The following EEFSEC variants were observed in gnomAD, a reference collection of about 807,000 sequenced individuals.
EEFSEC encodes the protein selenocysteine-specific elongation factor.
A neutral mutation model predicts 42.1 loss-of-function variants in EEFSEC; 43 were observed. The observed-to-expected ratio is 1.02, with a 90% CI of 0.80 to 1.32. The LOEUF is 1.32. Ranked by LOEUF, EEFSEC falls within the 40% of genes most tolerant of loss-of-function variation. EEFSEC has a pLI of 0.00. For missense variants in EEFSEC, 745 were observed against 803.6 expected (o/e 0.93, Z 0.88); for synonymous variants, 354 against 339.1 (o/e 1.04, Z -0.48).
intron 1 of EEFSEC, among the ~76,000 whole-genome samples, chr3:128,210,003 G>A (rs2065739742): frequency 1.3e-5 from 2 of 152,216 alleles, no homozygotes; most frequent in South Asian, 4.1e-4. Flanking sequence ...GTAAACAGGA[G>A]CACCTTTCTT....
At chr3:128,171,009 C>T (rs903925533) in intron 1 of EEFSEC, among the ~76,000 whole-genome samples, 1 of 152,194 alleles carries the variant, frequency 6.6e-6, no homozygotes, top group African/African-American at 2.4e-5. Flanking sequence ...GTGTCCTCCT[C>T]TTCCTGACAC....
chr3:128,316,082 C>A lies in EEFSEC; in HGVS notation c.787-25151C>A, dbSNP rs116020917. ...AAAAGACCAAGTCCTTTTGATCACC[C>A]TTCTAATTCTAGTCTGTGGCGCAGA... On this transcript the variant is annotated intron_variant, in intron 4 of 6. Coordinates refer to ENST00000254730, the MANE Select transcript of EEFSEC (RefSeq NM_021937.5). Among the ~76,000 whole-genome samples the A allele has an allele frequency of 3.4e-3, 512 of 152,306 alleles. 1 individual carries two copies. The highest frequency in any genetic ancestry group is 0.011 in the African/African-American group (477 of 41,568).
chr3:128,348,735 G>A (rs921152786), intron 5 of EEFSEC, among the ~76,000 whole-genome samples: 7 of 152,176 alleles, frequency 4.6e-5, no homozygotes, highest in African/African-American at 1.7e-4. Context: ...CAAAGATCTG[G>A]CAAAAATGAT....
chr3:128,377,821 TA>T (rs762099428), intron 6 of EEFSEC, among the ~76,000 whole-genome samples: 49 of 152,264 alleles, frequency 3.2e-4, no homozygotes, highest in South Asian at 6.2e-4. Flanking sequence ...TGCCATTTTA[TA>T]CTTCCATCAG....
At chr3:128,279,167 G>A (rs777190507) in intron 4 of EEFSEC, among the ~76,000 whole-genome samples, 7 of 152,230 alleles carry the variant, frequency 4.6e-5, no homozygotes, top group Non-Finnish European at 1.0e-4. Flanking sequence ...GGCAGTGGCG[G>A]CCATCTCCCG....
intron 6 of EEFSEC, among the ~76,000 whole-genome samples, chr3:128,373,702 C>T (rs1032143181): frequency 1.3e-5 from 2 of 152,202 alleles, no homozygotes; most frequent in Non-Finnish European, 2.9e-5. Flanking sequence ...GTGCCTATAC[C>T]AAGCCCTTCC....
chr3:128,230,847 G>T (rs936682816), intron 1 of EEFSEC, among the ~76,000 whole-genome samples: 5 of 152,120 alleles, frequency 3.3e-5, no homozygotes, highest in Non-Finnish European at 7.4e-5. Flanking sequence ...GCATCAGTAG[G>T]CATGCCCTGA....
At chr3:128,399,590 G>GC (rs141314224) in intron 6 of EEFSEC, among the ~76,000 whole-genome samples, 41 of 151,554 alleles carry the variant, frequency 2.7e-4, no homozygotes, top group East Asian at 5.8e-4. Context: ...CAAGGAGCCG[G>GC]CCCCCCCCAG....
At chr3:128,164,576 G>A (rs116060377) in intron 1 of EEFSEC, among the ~76,000 whole-genome samples, 2,310 of 152,280 alleles carry the variant, frequency 0.015, 56 homozygotes, top group African/African-American at 0.051. Context: ...AAGGAGGTGC[G>A]GCCAGGTTGG....
Position 128,366,848 on chromosome 3 carries a change from C to T in EEFSEC, c.1600+8475C>T, listed in dbSNP as rs199894494. ...CACAGTGAGCCACAGCCCACATGAC[C>T]CCTGAGCTCATGGGGCTGTTGGGTT... On this transcript the variant is annotated intron_variant, in intron 6 of 6. Coordinates refer to ENST00000254730, the MANE Select transcript of EEFSEC (RefSeq NM_021937.5). Among the ~76,000 whole-genome samples the T allele has an allele frequency of 3.3e-5, 5 of 152,254 alleles. No homozygotes were observed. In the East Asian group the frequency reaches 9.6e-4, roughly 29 times the overall value.
intron 6 of EEFSEC, among the ~76,000 whole-genome samples, chr3:128,365,014 G>T (rs1477806562): frequency 6.6e-6 from 1 of 152,238 alleles, no homozygotes; most frequent in East Asian, 1.9e-4. Context: ...CTGCCAGCTG[G>T]CTCTGCTCCC....
intron 6 of EEFSEC, among the ~76,000 whole-genome samples, chr3:128,393,374 A>G (rs1303925128): frequency 1.3e-5 from 2 of 152,218 alleles, no homozygotes; most frequent in Non-Finnish European, 1.5e-5. Flanking sequence ...TGTGTCCCAG[A>G]TGGGAGTCCT....
At chr3:128,287,212 T>A (rs2066594994) in intron 4 of EEFSEC, among the ~76,000 whole-genome samples, 1 of 152,180 alleles carries the variant, frequency 6.6e-6, no homozygotes, top group Non-Finnish European at 1.5e-5. Flanking sequence ...TGTCCCCCTT[T>A]GTCTTGAAGC....
At chr3:128,335,908 A>C (rs1296177533) in intron 4 of EEFSEC, among the ~76,000 whole-genome samples, 6 of 152,222 alleles carry the variant, frequency 3.9e-5, no homozygotes, top group Non-Finnish European at 7.3e-5. Flanking sequence ...TGGAAGCCCC[A>C]GCTTTTCCCC....
chr3:128,406,968 G>A (rs56882053), intron 6 of EEFSEC, among the ~76,000 whole-genome samples: 17,850 of 152,184 alleles, frequency 0.12, 1,260 homozygotes, highest in East Asian at 0.35. Flanking sequence ...GGCAGTTGCA[G>A]CAGCATGTTT....
At position 128,317,952 on chromosome 3, in the gene EEFSEC, G is replaced by C. The variant is rs952514090; in HGVS notation, c.787-23281G>C. ...GCCACACTGGGGCAGCCCTTGCCATGTGGGCCATGGGAACTGGTTGTTAGG... is the reference window on the plus strand; with the variant it reads ...GCCACACTGGGGCAGCCCTTGCCATCTGGGCCATGGGAACTGGTTGTTAGG... On this transcript the variant is annotated intron_variant, in intron 4 of 6. Transcript: ENST00000254730. This position sits in a 1 kb window ranked among gnomAD's most constrained non-coding sequence, Gnocchi z 4.1. Among the ~76,000 whole-genome samples the C allele has an allele frequency of 6.6e-6, 1 of 152,234 alleles. No homozygotes were observed. The highest frequency in any genetic ancestry group is 2.4e-5 in the African/African-American group (1 of 41,466).
At chr3:128,288,482 T>A (rs1393449978) in intron 4 of EEFSEC, among the ~76,000 whole-genome samples, 1 of 152,220 alleles carries the variant, frequency 6.6e-6, no homozygotes, top group Non-Finnish European at 1.5e-5. Flanking sequence ...TTTTCCTTGT[T>A]GTGACTTGTC....
chr3:128,339,188 C>A (rs2067223072), intron 4 of EEFSEC, among the ~76,000 whole-genome samples: 1 of 152,156 alleles, frequency 6.6e-6, no homozygotes, highest in Non-Finnish European at 1.5e-5. Context: ...TGGCTTTTGA[C>A]ACTGTGCGTC....
intron 4 of EEFSEC, among the ~76,000 whole-genome samples, chr3:128,267,042 G>A (rs2066361596): frequency 6.6e-6 from 1 of 152,054 alleles, no homozygotes; most frequent in Non-Finnish European, 1.5e-5. Flanking sequence ...CTTGGGAGAG[G>A]ACCTGGGAGT....
Sources: allele counts gnomAD v4.1 joint callset (sites outside exome capture counted in the v4.1 genomes callset), GRCh38; gene constraint gnomAD v4.1.1; non-coding constraint Gnocchi (gnomAD v3.1); transcripts MANE v1.5; gene names NCBI Gene and HGNC (gene_info 2026-07-23, HGNC 2026-07-21).